Variants in ME3 observed in about 807,000 individuals in gnomAD.
ME3 encodes the protein NADP-dependent malic enzyme, mitochondrial.
A neutral mutation model predicts 68.9 loss-of-function variants in ME3; 48 were observed. The observed-to-expected ratio is 0.70, with a 90% CI of 0.55 to 0.89. The LOEUF is 0.89. Among genes scored for constraint, ME3 ranks in the 40% least tolerant of loss-of-function variants. The probability of loss-of-function intolerance (pLI) is 0.00; values close to 1 mark genes in which losing one functional copy is unlikely to be tolerated. For missense variants in ME3, 675 were observed against 797.4 expected (o/e 0.85, Z 1.85); for synonymous variants, 320 against 318.8 (o/e 1.00, Z -0.04).
chr11:86,449,266 A>T (rs1949497052), intron 10 of ME3, among the ~76,000 whole-genome samples: 1 of 152,190 alleles, frequency 6.6e-6, no homozygotes, highest in African/African-American at 2.4e-5. Context: ...TGTGTCTCTC[A>T]ACACGTGCTA....
At chr11:86,495,465 AAC>A (rs1316127660) in intron 6 of ME3, among the ~76,000 whole-genome samples, 2 of 152,240 alleles carry the variant, frequency 1.3e-5, no homozygotes, top group Non-Finnish European at 2.9e-5. Flanking sequence ...CTCAGAATCA[AAC>A]TCAATCTGTT....
chr11:86,530,172 A>G (rs1288225956), intron 4 of ME3, among the ~76,000 whole-genome samples: 4 of 152,332 alleles, frequency 2.6e-5, no homozygotes, highest in African/African-American at 7.2e-5. Context: ...TACAAAATCA[A>G]TGTGCAAAAA....
intron 2 of ME3, among the ~76,000 whole-genome samples, chr11:86,615,208 A>G (rs1438358858): frequency 6.6e-6 from 1 of 152,156 alleles, no homozygotes; most frequent in Non-Finnish European, 1.5e-5. Flanking sequence ...TTTCAAGGCC[A>G]CAATTTGAGA....
intron 2 of ME3, among the ~76,000 whole-genome samples, chr11:86,573,196 T>G (rs1371921160): frequency 6.6e-6 from 1 of 152,224 alleles, no homozygotes; most frequent in Non-Finnish European, 1.5e-5. Context: ...GTCAGATGAG[T>G]AAATTGCAAA....
At chr11:86,658,381 T>G (rs979045462) in intron 2 of ME3, among the ~76,000 whole-genome samples, 1 of 151,946 alleles carries the variant, frequency 6.6e-6, no homozygotes, top group Admixed American at 6.6e-5. Flanking sequence ...CCTCAGCCTC[T>G]CAAAATGCTG....
intron 2 of ME3, among the ~76,000 whole-genome samples, chr11:86,605,643 T>C (rs1961516785): frequency 6.6e-6 from 1 of 152,236 alleles, no homozygotes; most frequent in African/African-American, 2.4e-5. Flanking sequence ...TCAATGATCC[T>C]TAAAATAGTC....
chr11:86,442,921 T>C lies in ME3; in HGVS notation c.1555-2A>G. On this transcript the variant is annotated splice_acceptor_variant, in intron 13 of 14. Coordinates refer to ENST00000543262, the Ensembl canonical transcript of ME3. LOFTEE classifies it high-confidence loss of function. ...CTCAGAGACTTCCTGGGCAATTTGCTGGGGAGAAGGAGAGAACCGAGAGGA... is the reference window on the plus strand; with the variant it reads ...CTCAGAGACTTCCTGGGCAATTTGCCGGGGAGAAGGAGAGAACCGAGAGGA... 1 of 1,608,480 alleles carries C rather than the reference T, an allele frequency of 6.2e-7. No individual in the cohort carries two copies. The highest frequency in any genetic ancestry group is 8.5e-7 in the Non-Finnish European group (1 of 1,175,378).
intron 2 of ME3, among the ~76,000 whole-genome samples, chr11:86,592,335 A>G (rs1045939159): frequency 1.3e-5 from 2 of 152,200 alleles, no homozygotes; most frequent in African/African-American, 2.4e-5. Context: ...GCTCAAAGCC[A>G]GTTTCTTAGG....
chr11:86,616,735 A>C (rs1254110433), intron 2 of ME3, among the ~76,000 whole-genome samples: 1 of 152,190 alleles, frequency 6.6e-6, no homozygotes, highest in Non-Finnish European at 1.5e-5. Flanking sequence ...GTCATGAAAA[A>C]TAAGGAAAGA....
chr11:86,506,147 C>T (rs1052296509), intron 5 of ME3, among the ~76,000 whole-genome samples: 6 of 152,170 alleles, frequency 3.9e-5, no homozygotes, highest in Admixed American at 3.9e-4. Flanking sequence ...CCCGGATCTG[C>T]TCATGCAACT....
intron 2 of ME3, among the ~76,000 whole-genome samples, chr11:86,624,037 C>CT (rs1174474872): frequency 1.3e-5 from 2 of 152,170 alleles, no homozygotes; most frequent in African/African-American, 4.8e-5. Context: ...CCAATCCATT[C>CT]TTTCTCTTAT....
intron 5 of ME3, among the ~76,000 whole-genome samples, chr11:86,498,702 AAAG>A (rs1293335297): frequency 2.6e-5 from 4 of 152,226 alleles, no homozygotes; most frequent in Admixed American, 6.5e-5. Flanking sequence ...TGCATTTGGC[AAAG>A]AATTGCTGAG....
intron 2 of ME3, among the ~76,000 whole-genome samples, chr11:86,588,422 A>G (rs1008595654): frequency 1.3e-5 from 2 of 152,232 alleles, no homozygotes; most frequent in African/African-American, 4.8e-5. Flanking sequence ...AGTGGGGACT[A>G]TCTCAGGCTC....
At chr11:86,486,599 G>T (rs1248494858) in intron 7 of ME3, among the ~76,000 whole-genome samples, 1 of 152,270 alleles carries the variant, frequency 6.6e-6, no homozygotes, top group Non-Finnish European at 1.5e-5. Flanking sequence ...GCAGCAAGAA[G>T]GCTGGAGATT....
downstream of ME3, among the ~76,000 whole-genome samples, chr11:86,437,501 A>G (rs1948904440): frequency 6.6e-6 from 1 of 151,868 alleles, no homozygotes; most frequent in African/African-American, 2.4e-5. Context: ...GTTTCCACCA[A>G]AAAACCCTAC....
intron 2 of ME3, among the ~76,000 whole-genome samples, chr11:86,610,967 C>G (rs1319162277): frequency 6.6e-6 from 1 of 152,178 alleles, no homozygotes; most frequent in Non-Finnish European, 1.5e-5. Context: ...TCTGGACAGT[C>G]TCAAACTCCA....
At chr11:86,506,542 G>T (rs942729648) in intron 5 of ME3, among the ~76,000 whole-genome samples, 1 of 152,166 alleles carries the variant, frequency 6.6e-6, no homozygotes, top group Admixed American at 6.5e-5. Context: ...CCCTGTGTCA[G>T]GTTGGAGGAA....
intron 6 of ME3, among the ~76,000 whole-genome samples, chr11:86,490,509 T>C (rs150975642): frequency 3.1e-4 from 47 of 152,298 alleles, no homozygotes; most frequent in African/African-American, 1.1e-3. Flanking sequence ...TGATAAATGA[T>C]AGTAGAGTAA....
chr11:86,590,879 A>G (rs1541310), intron 2 of ME3, among the ~76,000 whole-genome samples: 57,142 of 152,178 alleles, frequency 0.38, 13,104 homozygotes, highest in Non-Finnish European at 0.51. Context: ...ATGAGGCAGT[A>G]ATAAGGCTGC....
Sources: gnomAD v4.1 joint callset for allele counts (sites outside exome capture counted in the v4.1 genomes callset) on GRCh38, gnomAD v4.1.1 for gene constraint, MANE v1.5 for transcripts, NCBI Gene and HGNC (gene_info 2026-07-23, HGNC 2026-07-21) for gene names.